Variants in HDGFL3 observed in about 807,000 individuals in gnomAD.
HDGFL3 encodes the protein hepatoma-derived growth factor-related protein 3.
In HDGFL3, 6 loss-of-function variants were observed where a neutral mutation model predicts 27.6. The ratio of observed to expected loss-of-function variants is 0.22; its 90% CI spans 0.12 to 0.43. The LOEUF (loss-of-function observed/expected upper bound fraction) is 0.43. Ranked by LOEUF, HDGFL3 falls within the 20% of genes least tolerant of loss-of-function variation. The pLI is 1.00. For missense variants in HDGFL3, 207 were observed against 250.1 expected, an observed-to-expected ratio of 0.83 and a Z score of 1.16; for synonymous variants, 88 against 88.9, an observed-to-expected ratio of 0.99 and a Z score of 0.05.
intron 1 of HDGFL3, among the ~76,000 whole-genome samples, chr15:83,196,273 T>C (rs994928905): frequency 1.3e-5 from 2 of 151,970 alleles, no homozygotes; most frequent in Non-Finnish European, 1.5e-5. Flanking sequence ...AATATACTTA[T>C]TGACTCCTAA....
intron 5 of HDGFL3, among the ~76,000 whole-genome samples, chr15:83,144,332 C>T (rs541600112): frequency 1.3e-5 from 2 of 152,174 alleles, no homozygotes; most frequent in South Asian, 2.1e-4. Context: ...TTCCTGCCTC[C>T]GGTATCTCTA....
chr15:83,122,685 G>A, intron 3 of HDGFL3: 1 of 1,542,870 alleles, frequency 6.5e-7, no homozygotes, highest in Non-Finnish European at 8.8e-7. Context: ...CCTGAGATGG[G>A]GAGGTATCCT....
chr15:83,113,358 A>T (rs2034369282), exon 4 of HDGFL3: 1 of 161,980 alleles, frequency 6.2e-6, no homozygotes, highest in Admixed American at 6.0e-5. Context: ...TATGACCCTG[A>T]GCACTTTAGC....
At chr15:83,174,497 TA>T (rs35330130) in intron 1 of HDGFL3, among the ~76,000 whole-genome samples, 37,306 of 138,820 alleles carry the variant, frequency 0.27, 4,936 homozygotes, top group African/African-American at 0.37. Context: ...AGCACCACCC[TA>T]AAAAAAAAAA....
chr15:83,167,663 A>C (rs2037189089), intron 1 of HDGFL3, among the ~76,000 whole-genome samples: 1 of 152,200 alleles, frequency 6.6e-6, no homozygotes, highest in Admixed American at 6.5e-5. Context: ...CCAACATTGG[A>C]GCACCCAGAT....
intron 3 of HDGFL3, among the ~76,000 whole-genome samples, chr15:83,120,719 C>T (rs995118243): frequency 3.3e-5 from 5 of 151,848 alleles, no homozygotes; most frequent in African/African-American, 1.2e-4. Flanking sequence ...TCACTATACC[C>T]GCAAATTTTG....
chr15:83,187,055 T>C (rs565063304), intron 1 of HDGFL3, among the ~76,000 whole-genome samples: 3 of 152,314 alleles, frequency 2.0e-5, no homozygotes, highest in Admixed American at 6.5e-5. Flanking sequence ...AGTTATACTT[T>C]AGGATTCTCA....
intron 4 of HDGFL3, 108 bp downstream of exon 4, chr15:83,157,307 T>C (rs902565689): frequency 5.2e-5 from 59 of 1,127,168 alleles, no homozygotes; most frequent in Non-Finnish European, 6.8e-5. Context: ...AGAGGCTCCA[T>C]AGAATTTAGT....
At chr15:83,182,578 T>G (rs1272300658) in intron 1 of HDGFL3, among the ~76,000 whole-genome samples, 1 of 152,142 alleles carries the variant, frequency 6.6e-6, no homozygotes, top group Non-Finnish European at 1.5e-5. Context: ...TCCACTTATA[T>G]TAAGTTCTAG....
In HDGFL3 at chr15:83,135,689, GTATA is replaced by G. The variant is rs2036559783; in HGVS notation, c.*3577_*3580del. On this transcript the variant is annotated 3_prime_UTR_variant, in exon 6 of 6. Coordinates refer to ENST00000299633, the MANE Select transcript of HDGFL3 (RefSeq NM_016073.4). ...CATTCTGAATGTGTTTTCTGAATAAGTATATAAGTAGAGAGGGAGGCCATTTTGC... is the reference window on the plus strand; with the variant it reads ...CATTCTGAATGTGTTTTCTGAATAAGTAAGTAGAGAGGGAGGCCATTTTGC... 6.6e-6 allele frequency: 1 copy of G among 152,184 alleles called. No individual in the cohort carries two copies. Among genetic ancestry groups the G allele is most frequent in the Admixed American group, 6.5e-5 (1 of 15,284 alleles). The allele number at this position is 152,184 out of a possible 1,614,324, so 9.4% of individuals were successfully genotyped here. A position where few individuals can be genotyped will look rare whatever the true frequency, so the allele number is the denominator to read the frequency against.
intron 1 of HDGFL3, among the ~76,000 whole-genome samples, chr15:83,192,801 G>A (rs1480291009): frequency 6.6e-6 from 1 of 152,272 alleles, no homozygotes; most frequent in South Asian, 2.1e-4. Context: ...CACCCTATAT[G>A]TACAACATCT....
rs1279734169 is a variant in HDGFL3 at position 83,133,139 on chromosome 15, G to C, written c.*6131C>G. Reference sequence around the variant, plus strand: ...GAGGCCATACGGCTGGTTTGTGGTGGAGCTGTGATTTGACTCTGGATGTCT... The same window carrying C: ...GAGGCCATACGGCTGGTTTGTGGTGCAGCTGTGATTTGACTCTGGATGTCT... On this transcript the variant is annotated 3_prime_UTR_variant, in exon 6 of 6. Coordinates refer to ENST00000299633, the MANE Select transcript of HDGFL3 (RefSeq NM_016073.4). The C allele has an allele frequency of 6.6e-6, 1 of 152,214 alleles. No homozygotes were observed. The allele number at this position is 152,214 out of a possible 1,614,324, so 9.4% of individuals were successfully genotyped here.
At chr15:83,126,083 T>C (rs1305291970), downstream of HDGFL3, among the ~76,000 whole-genome samples, 2 of 152,132 alleles carry the variant, frequency 1.3e-5, no homozygotes, top group Non-Finnish European at 2.9e-5. Context: ...TGTGTGCATG[T>C]GTGGGGGTGC....
Position 83,157,918 on chromosome 15 carries a change from C to T in HDGFL3, c.285G>A (p.Lys95=), listed in dbSNP as rs552571430. ...LWEIENNPGV[K]FTGYQAIQQQ... ...AAACCATTACCTGGTAGCCAGTAAA[C>T]TTTACTCCTGGGTTATTTTCTATTT... The change falls in exon 3 of 6, where the codon AAG becomes AAA. Residue 95 remains lysine (K), a synonymous_variant. Coordinates refer to ENST00000299633, the MANE Select transcript of HDGFL3 (RefSeq NM_016073.4). The T allele has an allele frequency of 2.2e-5, 35 of 1,611,812 alleles. No homozygotes were observed. In the South Asian group the frequency reaches 3.8e-4, roughly 18 times the overall value.
intron 1 of HDGFL3, among the ~76,000 whole-genome samples, chr15:83,204,810 T>C (rs2037696781): frequency 6.6e-6 from 1 of 152,196 alleles, no homozygotes; most frequent in Non-Finnish European, 1.5e-5. Flanking sequence ...TTACAGAACA[T>C]GCACAAGGTC....
chr15:83,122,175 G>A (rs753547109), intron 3 of HDGFL3, among the ~76,000 whole-genome samples: 45 of 152,144 alleles, frequency 3.0e-4, no homozygotes, highest in Non-Finnish European at 6.2e-4. Flanking sequence ...TTTTTAAGAA[G>A]TGCTTTGAGC....
intron 5 of HDGFL3, among the ~76,000 whole-genome samples, chr15:83,141,161 T>C (rs768337283): frequency 6.6e-6 from 1 of 152,198 alleles, no homozygotes; most frequent in Non-Finnish European, 1.5e-5. Context: ...GTACTCTGAC[T>C]GTCTCCTAGA....
rs1409239871 is a variant in HDGFL3, at chr15:83,137,366, C to T, written c.*1904G>A. 1 of 151,972 alleles carries T rather than the reference C, an allele frequency of 6.6e-6. No homozygotes were observed. The highest frequency in any genetic ancestry group is 1.5e-5 in the Non-Finnish European group (1 of 67,950). The allele number at this position is 151,972 out of a possible 1,614,324, so 9.4% of individuals were successfully genotyped here. A position where few individuals can be genotyped will look rare whatever the true frequency, so the allele number is the denominator to read the frequency against. On this transcript the variant is annotated 3_prime_UTR_variant, in exon 6 of 6. Coordinates refer to ENST00000299633, the MANE Select transcript of HDGFL3 (RefSeq NM_016073.4). ...AATTATTTTTGGCCTCTTATAAAGA[C>T]AAATCTTATTAAATTTGAAACATTT...
Position 83,139,216 on chromosome 15 carries a change from C to A in HDGFL3, c.*54G>T, listed in dbSNP as rs1167143932. On this transcript the variant is annotated 3_prime_UTR_variant, in exon 6 of 6. Transcript: ENST00000299633. ...ATCAAATCCAAGAATATTAGACAAC[C>A]AAACATATAACCTTCTTGTGGTTTC... The A allele has an allele frequency of 3.1e-6, 4 of 1,286,098 alleles. No individual in the cohort carries two copies. Among genetic ancestry groups the A allele is most frequent in the Non-Finnish European group, 4.2e-6 (4 of 960,928 alleles). 79.7% of individuals were successfully genotyped at this position (1,286,098 alleles called of 1,614,324 possible). A position where few individuals can be genotyped will look rare whatever the true frequency, so the allele number is the denominator to read the frequency against.
Sources: allele counts gnomAD v4.1 joint callset (sites outside exome capture counted in the v4.1 genomes callset), GRCh38; gene constraint gnomAD v4.1.1; transcripts MANE v1.5; gene names NCBI Gene and HGNC (gene_info 2026-07-23, HGNC 2026-07-21).